Variants in NCAM1 observed in about 807,000 individuals in gnomAD.
The protein encoded by NCAM1 is neural cell adhesion molecule 1.
In NCAM1, 14 loss-of-function variants were observed where a neutral mutation model predicts 109.8. The observed-to-expected ratio is 0.13, with a 90% CI of 0.08 to 0.20. The LOEUF (loss-of-function observed/expected upper bound fraction) is 0.20, where lower values mean the gene tolerates loss of function less well. Ranked by LOEUF, NCAM1 falls within the 10% of genes least tolerant of loss-of-function variation. The pLI is 1.00. For missense variants in NCAM1, 774 were observed against 1,109.9 expected (o/e 0.70, Z 4.30); for synonymous variants, 418 against 442.9 (o/e 0.94, Z 0.70).
At chr11:113,207,078 A>G (rs575701585) in intron 5 of NCAM1, among the ~76,000 whole-genome samples, 183 bp from the exon 6 acceptor site, 1 of 152,368 alleles carries the variant, frequency 6.6e-6, no homozygotes, top group South Asian at 2.1e-4. Context: ...AGAACTGTCT[A>G]TTCAGTTTGC....
At chr11:113,268,387 C>T (rs1285672392) in intron 17 of NCAM1, among the ~76,000 whole-genome samples, 7 of 152,166 alleles carry the variant, frequency 4.6e-5, no homozygotes, top group Non-Finnish European at 1.0e-4. Context: ...CTCAAGCCTT[C>T]CTGGGGGAAT....
intron 1 of NCAM1, among the ~76,000 whole-genome samples, chr11:113,081,364 C>G (rs907637368): frequency 1.3e-5 from 2 of 152,050 alleles, no homozygotes; most frequent in African/African-American, 4.8e-5. Context: ...CGGTGCTTGC[C>G]GGTCCTGGAG....
chr11:113,223,498 T>A (rs1216529001), intron 9 of NCAM1, among the ~76,000 whole-genome samples: 1 of 152,182 alleles, frequency 6.6e-6, no homozygotes, highest in African/African-American at 2.4e-5. Flanking sequence ...TTTCTAAGCT[T>A]CCCTTCAACC....
chr11:113,185,702 C>G (rs1215597973), intron 1 of NCAM1, among the ~76,000 whole-genome samples: 1 of 152,146 alleles, frequency 6.6e-6, no homozygotes, highest in African/African-American at 2.4e-5. Context: ...TAAAAATAAG[C>G]AATTCCAGGA....
intron 1 of NCAM1, among the ~76,000 whole-genome samples, chr11:113,099,446 C>A (rs1345586919): frequency 1.3e-5 from 2 of 152,164 alleles, no homozygotes; most frequent in South Asian, 2.1e-4. Context: ...CTCTCACATT[C>A]GCCATATGCT....
intron 1 of NCAM1, among the ~76,000 whole-genome samples, chr11:113,063,313 C>T (rs781954312): frequency 2.0e-5 from 3 of 152,152 alleles, no homozygotes; most frequent in Admixed American, 6.5e-5. Context: ...TGTGGCCTGC[C>T]GTTAATGCCG....
chr11:113,053,114 C>T (rs1953568513), intron 1 of NCAM1, among the ~76,000 whole-genome samples: 1 of 152,174 alleles, frequency 6.6e-6, no homozygotes, highest in African/African-American at 2.4e-5. Context: ...CTCTACACTG[C>T]TCCCACTTGT....
intron 1 of NCAM1, among the ~76,000 whole-genome samples, chr11:113,185,079 T>TATATATAGAGAGAGAGAGAGAGAG: frequency 2.4e-5 from 3 of 125,758 alleles, no homozygotes; most frequent in African/African-American, 6.3e-5. Context: ...TATATATATA[T>TATATATAGAGAGAGAGAGAGAGAG]AGAGAGAGAG....
chr11:113,231,740 C>T lies in NCAM1; in HGVS notation c.1185C>T (p.Cys395=), dbSNP rs1555117277. 3 of 1,613,960 alleles carry T rather than the reference C, an allele frequency of 1.9e-6. No homozygotes were observed. Among genetic ancestry groups the T allele is most frequent in the Non-Finnish European group, 1.7e-6 (2 of 1,179,880 alleles). ...ACACTGATGCCGGAGAGTACATCTG[C>T]ACCGCCAGCAACACCATCGGCCAGG... is the stretch of plus-strand genomic sequence containing the variant. ...IQYTDAGEYI[C]TASNTIGQDS... Residue 395 remains cysteine, a synonymous_variant, in exon 10 of 20, where the codon TGC becomes TGT. Transcript: ENST00000316851.
chr11:113,263,278 A>G, intron 17 of NCAM1: 1 of 1,020,090 alleles, frequency 9.8e-7, no homozygotes, highest in Non-Finnish European at 1.2e-6. Flanking sequence ...AATATGATGT[A>G]GCAGAGGAAG....
At chr11:113,193,698 A>AGAAAGG (rs1943766225) in intron 1 of NCAM1, among the ~76,000 whole-genome samples, 1 of 152,058 alleles carries the variant, frequency 6.6e-6, no homozygotes, top group Non-Finnish European at 1.5e-5. Flanking sequence ...AGAGAGAAAG[A>AGAAAGG]GAAAGGGAAA....
rs1336174865 is a variant in NCAM1 at position 113,231,476 on chromosome 11, T to A, written c.1090-169T>A. ...TGCTGCTTCCCAGTGCCTCCCCCAT[T>A]AGATGGTACCTAAAGTAAGAAAGCC... On this transcript the variant is annotated intron_variant, in intron 9 of 19. Coordinates refer to ENST00000316851, the MANE Select transcript of NCAM1 (RefSeq NM_181351.5). The A allele has an allele frequency of 3.4e-6, 3 of 874,434 alleles. No homozygotes were observed. In the African/African-American group the frequency reaches 5.1e-5, roughly 15 times the overall value. 54.2% of individuals were successfully genotyped at this position (874,434 alleles called of 1,614,324 possible).
At chr11:113,263,966 C>T (rs782020153) in intron 17 of NCAM1, 138 of 985,370 alleles carry the variant, frequency 1.4e-4, no homozygotes, top group Non-Finnish European at 1.5e-4. Context: ...GGTTCAGTGA[C>T]ATTTTCTAAA....
chr11:113,192,232 T>C (rs782390119), intron 1 of NCAM1, among the ~76,000 whole-genome samples: 1 of 152,058 alleles, frequency 6.6e-6, no homozygotes, highest in Non-Finnish European at 1.5e-5. Flanking sequence ...AGCAATCAGA[T>C]AGTGTACAGC....
Position 113,005,721 on chromosome 11 carries a change from A to G in NCAM1, c.52+44057A>G, listed in dbSNP as rs190478318. Among the ~76,000 whole-genome samples, 54 of 152,264 alleles carry G rather than the reference A, an allele frequency of 3.5e-4. No individual in the cohort carries two copies. In the East Asian group the frequency reaches 7.0e-3, roughly 20 times the overall value. The stretch of plus-strand genomic sequence containing the variant: ...TGCTCATTTTACAGACTTTCAGACA[A>G]TGCATCTATTTTCAGCTTCTGTCTC... On this transcript the variant is annotated intron_variant, in intron 1 of 19. Coordinates refer to ENST00000316851, the MANE Select transcript of NCAM1 (RefSeq NM_181351.5).
chr11:113,183,797 G>C (rs1318434089), intron 1 of NCAM1, among the ~76,000 whole-genome samples: 1 of 152,202 alleles, frequency 6.6e-6, no homozygotes, highest in East Asian at 1.9e-4. Flanking sequence ...AGGCTGCTTT[G>C]AATCTTGTGG....
At position 113,276,699 on chromosome 11, in the gene NCAM1, G is replaced by T. The variant is rs782257757; in HGVS notation, c.*1312G>T. Reference sequence around the variant, plus strand: ...AAATCTGTTGAAGTAAAGTAACATCGGCCTTCTGTTCACTTAGGCAGCATT... The same window carrying T: ...AAATCTGTTGAAGTAAAGTAACATCTGCCTTCTGTTCACTTAGGCAGCATT... On this transcript the variant is annotated 3_prime_UTR_variant, in exon 20 of 20. Coordinates refer to ENST00000316851, the MANE Select transcript of NCAM1 (RefSeq NM_181351.5). 2.6e-5 allele frequency: 4 copies of T among 152,310 alleles called. No individual in the cohort carries two copies. Among genetic ancestry groups the T allele is most frequent in the African/African-American group, 9.7e-5 (4 of 41,300 alleles). The allele number at this position is 152,310 out of a possible 1,614,324, so 9.4% of individuals were successfully genotyped here.
At chr11:113,153,838 G>A (rs1257906245) in intron 1 of NCAM1, among the ~76,000 whole-genome samples, 2 of 152,202 alleles carry the variant, frequency 1.3e-5, no homozygotes, top group Non-Finnish European at 2.9e-5. Flanking sequence ...TGCTTCCTGT[G>A]TGACACATTG....
At chr11:113,017,566 C>T (rs1291025949) in intron 1 of NCAM1, among the ~76,000 whole-genome samples, 1 of 151,514 alleles carries the variant, frequency 6.6e-6, no homozygotes, top group East Asian at 1.9e-4. Context: ...ACATCCTTCA[C>T]TTCTGTCCAA....
Sources: gnomAD v4.1 joint callset for allele counts (sites outside exome capture counted in the v4.1 genomes callset) on GRCh38, gnomAD v4.1.1 for gene constraint, MANE v1.5 for transcripts, NCBI Gene and HGNC (gene_info 2026-07-23, HGNC 2026-07-21) for gene names.